GSK3B: variants seen among roughly 807,000 people sequenced by gnomAD.
The protein encoded by GSK3B is glycogen synthase kinase-3 beta.
Under a neutral mutation model 56.4 loss-of-function variants are expected in GSK3B, and 15 were observed. The ratio of observed to expected loss-of-function variants is 0.27; its 90% CI spans 0.18 to 0.41. The LOEUF is 0.41. GSK3B is among the 10% of genes least tolerant of loss of function. GSK3B has a pLI of 1.00. For missense variants in GSK3B, 300 were observed against 513.4 expected (o/e 0.58, Z 4.02); for synonymous variants, 181 against 188.9 (o/e 0.96, Z 0.34).
At chr3:119,951,759 T>C (rs1338010066) in intron 2 of GSK3B, among the ~76,000 whole-genome samples, 1 of 152,122 alleles carries the variant, frequency 6.6e-6, no homozygotes, top group Non-Finnish European at 1.5e-5. Flanking sequence ...AAAGCAGCTA[T>C]TATAATTTAT....
At chr3:119,934,005 C>T (rs903566253) in intron 3 of GSK3B, among the ~76,000 whole-genome samples, 8 of 152,174 alleles carry the variant, frequency 5.3e-5, no homozygotes, top group African/African-American at 1.9e-4. Context: ...CAAATCCACA[C>T]TGATAGAAAT....
Position 119,858,144 on chromosome 3 carries a change from C to T in GSK3B, c.1096+5275G>A, listed in dbSNP as rs867798173. ...CTTAAGGGCCCTAGGATTTTTGGAA[C>T]GGTAAAGCAGCACTGGCATCCACTT... On this transcript the variant is annotated intron_variant, in intron 9 of 10. Transcript: ENST00000264235. 1.4e-4 allele frequency among the ~76,000 whole-genome samples: 21 copies of T among 152,218 alleles called. No homozygotes were observed. The Middle Eastern group carries it at 0.01, about 74-fold the overall frequency.
At chr3:120,058,923 T>C (rs1576301925) in intron 1 of GSK3B, among the ~76,000 whole-genome samples, 1 of 151,896 alleles carries the variant, frequency 6.6e-6, no homozygotes, top group African/African-American at 2.4e-5. Context: ...GGCAGGAGGA[T>C]TGCTTGAACC....
chr3:119,889,560 T>C (rs1055431908), intron 7 of GSK3B, among the ~76,000 whole-genome samples: 2 of 151,928 alleles, frequency 1.3e-5, no homozygotes, highest in African/African-American at 4.8e-5. Flanking sequence ...CAAGGAGGTA[T>C]AGCTTAAAAG....
chr3:119,994,081 C>T (rs1288030177), intron 2 of GSK3B, among the ~76,000 whole-genome samples: 1 of 152,114 alleles, frequency 6.6e-6, no homozygotes, highest in Non-Finnish European at 1.5e-5. Flanking sequence ...CCAGGATGGT[C>T]TCAATCTCCT....
chr3:120,003,771 G>C (rs1346268936), intron 1 of GSK3B, among the ~76,000 whole-genome samples: 1 of 152,180 alleles, frequency 6.6e-6, no homozygotes, highest in Non-Finnish European at 1.5e-5. Flanking sequence ...TGGCATTCAT[G>C]GTCGCTTCCA....
Position 119,825,618 on chromosome 3 carries a change from C to T in GSK3B, c.*1170G>A, listed in dbSNP as rs1473165592. ...TTTAATATTTCTACCATCTGACATGCATCAATAAATAAATGTAAAAAGCAT... is the reference window on the plus strand; with the variant it reads ...TTTAATATTTCTACCATCTGACATGTATCAATAAATAAATGTAAAAAGCAT... On this transcript the variant is annotated 3_prime_UTR_variant, in exon 11 of 11. Coordinates refer to ENST00000264235, the MANE Select transcript of GSK3B (RefSeq NM_001146156.2). The T allele has an allele frequency of 4.4e-6, 1 of 228,436 alleles. No individual in the cohort carries two copies. Among genetic ancestry groups the T allele is most frequent in the Non-Finnish European group, 8.7e-6 (1 of 115,220 alleles). The allele number at this position is 228,436 out of a possible 1,614,324, so 14.2% of individuals were successfully genotyped here.
At chr3:120,043,162 A>G (rs983485296) in intron 1 of GSK3B, among the ~76,000 whole-genome samples, 1 of 152,114 alleles carries the variant, frequency 6.6e-6, no homozygotes, top group Non-Finnish European at 1.5e-5. Flanking sequence ...CTGGCCTGGG[A>G]AGGACCTTAC....
chr3:119,873,249 G>T (rs2056269692), intron 8 of GSK3B, among the ~76,000 whole-genome samples: 1 of 151,734 alleles, frequency 6.6e-6, no homozygotes, highest in East Asian at 1.9e-4. Flanking sequence ...TTATTTTTCT[G>T]CTATTTCTTT....
chr3:119,826,924 G>T, intron 10 of GSK3B, 69 bp from the exon 11 acceptor site: 1 of 940,504 alleles, frequency 1.1e-6, no homozygotes, highest in Non-Finnish European at 1.7e-6. Flanking sequence ...CAAGTACACT[G>T]TTTCAACTGC....
At chr3:119,881,550 G>A (rs1313053091) in intron 7 of GSK3B, among the ~76,000 whole-genome samples, 1 of 152,174 alleles carries the variant, frequency 6.6e-6, no homozygotes, top group Admixed American at 6.5e-5. Context: ...TTGTTGTACA[G>A]CCATCCTCTA....
intron 10 of GSK3B, 98 bp from the exon 11 acceptor site, chr3:119,826,953 C>G (rs1294822084): frequency 1.4e-6 from 1 of 731,604 alleles, no homozygotes; most frequent in Non-Finnish European, 2.4e-6. Context: ...AACTGTATGG[C>G]CTTCCAAGCT....
At chr3:120,068,930 T>G (rs535463769) in intron 1 of GSK3B, among the ~76,000 whole-genome samples, 86 of 151,902 alleles carry the variant, frequency 5.7e-4, no homozygotes, top group African/African-American at 1.6e-3. Flanking sequence ...TGTTTGGGAG[T>G]ACCAGGTTCC....
intron 1 of GSK3B, among the ~76,000 whole-genome samples, chr3:120,050,680 G>A (rs1280332315): frequency 6.6e-6 from 1 of 152,124 alleles, no homozygotes; most frequent in Non-Finnish European, 1.5e-5. Flanking sequence ...GTTTAGGGGA[G>A]GAGAGAAGGT....
At chr3:120,051,112 GCTGT>G (rs1468534952) in intron 1 of GSK3B, among the ~76,000 whole-genome samples, 12 of 144,902 alleles carry the variant, frequency 8.3e-5, no homozygotes, top group African/African-American at 1.9e-4. Flanking sequence ...CACTCCAGAT[GCTGT>G]CTATCAATTT....
chr3:120,029,365 T>G, intron 1 of GSK3B: 1 of 761,438 alleles, frequency 1.3e-6, no homozygotes, highest in Non-Finnish European at 2.4e-6. Flanking sequence ...TTTCCAATGT[T>G]GCTGTCAACA....
intron 4 of GSK3B, among the ~76,000 whole-genome samples, chr3:119,918,356 C>A (rs938514968): frequency 4.0e-5 from 6 of 150,900 alleles, no homozygotes; most frequent in Middle Eastern, 3.4e-3. Flanking sequence ...GCCTGTAATC[C>A]CAGCTCGGAA....
At chr3:120,087,154 C>T (rs1478284777) in intron 1 of GSK3B, among the ~76,000 whole-genome samples, 5 of 152,294 alleles carry the variant, frequency 3.3e-5, no homozygotes, top group Non-Finnish European at 7.4e-5. Context: ...CAATTACCAG[C>T]CAATTCCAAT....
intron 2 of GSK3B, among the ~76,000 whole-genome samples, chr3:119,966,005 A>C (rs886421010): frequency 3.9e-5 from 6 of 152,252 alleles, no homozygotes; most frequent in African/African-American, 1.4e-4. Flanking sequence ...AAGATAGTCT[A>C]TCATATAAAT....
Sources: allele counts gnomAD v4.1 joint callset (sites outside exome capture counted in the v4.1 genomes callset), GRCh38; gene constraint gnomAD v4.1.1; transcripts MANE v1.5; gene names NCBI Gene and HGNC (gene_info 2026-07-23, HGNC 2026-07-21).